The following GLMN variants were observed in gnomAD, a reference collection of about 807,000 sequenced individuals.
GLMN encodes glomulin, FKBP associated protein.
A neutral mutation model predicts 87.8 loss-of-function variants in GLMN; 75 were observed. That is an observed-to-expected ratio of 0.85 (90% CI 0.71 to 1.04). The LOEUF (loss-of-function observed/expected upper bound fraction) is 1.04, where lower values mean the gene tolerates loss of function less well. Among genes scored for constraint, GLMN ranks in the 50% least tolerant of loss-of-function variants. The pLI, the probability that GLMN is intolerant of heterozygous loss-of-function variation, is 0.00. For synonymous variants in GLMN, 206 were observed against 221.6 expected (o/e 0.93, Z 0.63); for missense variants, 588 against 658.8 (o/e 0.89, Z 1.18).
chr1:92,257,495 T>C (rs1423966970), intron 16 of GLMN, among the ~76,000 whole-genome samples: 1 of 152,128 alleles, frequency 6.6e-6, no homozygotes, highest in Admixed American at 6.5e-5. Context: ...GACTTCAAAC[T>C]ATACTACAGG....
At chr1:92,256,447 C>T (rs554053423) in intron 16 of GLMN, among the ~76,000 whole-genome samples, 1 of 151,708 alleles carries the variant, frequency 6.6e-6, no homozygotes, top group South Asian at 2.1e-4. Context: ...AGAGACACAA[C>T]AAAAAAAAGA....
intron 8 of GLMN, 135 bp downstream of exon 8, chr1:92,271,328 ATT>A: frequency 1.4e-6 from 1 of 720,210 alleles, no homozygotes; most frequent in Non-Finnish European, 2.4e-6. Context: ...AGCTGGGATC[ATT>A]CTTATTAAAA....
At chr1:92,304,139 T>G in the GLMN span, 2 of 1,332,512 alleles carry the variant, frequency 1.5e-6, no homozygotes, top group Non-Finnish European at 2.1e-6. Flanking sequence ...AATACTTTGT[T>G]GTAAGAATAA....
rs192046532 is a variant in GLMN at position 92,288,724 on chromosome 1, C to T, written c.632+190G>A. Among the ~76,000 whole-genome samples the T allele has an allele frequency of 8.3e-4, 127 of 152,238 alleles. 1 individual carries two copies. Among genetic ancestry groups the T allele is most frequent in the African/African-American group, 2.9e-3 (121 of 41,554 alleles). On this transcript the variant is annotated intron_variant, in intron 6 of 18. Coordinates refer to ENST00000370360, the MANE Select transcript of GLMN (RefSeq NM_053274.3). ...GATTACATGTGTGAGCCACTACACC[C>T]GGCCTATAATTTTTTAAAATATAAA...
chr1:92,278,528 C>G (rs1315468821), intron 7 of GLMN, among the ~76,000 whole-genome samples: 1 of 152,244 alleles, frequency 6.6e-6, no homozygotes, highest in Non-Finnish European at 1.5e-5. Flanking sequence ...TTCCATCTCT[C>G]CTAAATTAAA....
chr1:92,263,400 T>C (rs950354758), intron 15 of GLMN, among the ~76,000 whole-genome samples: 1 of 152,200 alleles, frequency 6.6e-6, no homozygotes, highest in Non-Finnish European at 1.5e-5. Context: ...ATAAAAGCTA[T>C]CAAATCATAG....
At chr1:92,253,721 T>C (rs1653841900) in intron 16 of GLMN, among the ~76,000 whole-genome samples, 1 of 152,094 alleles carries the variant, frequency 6.6e-6, no homozygotes, top group Non-Finnish European at 1.5e-5. Flanking sequence ...AGCAATAGCA[T>C]TAACGTCAAC....
chr1:92,282,291 A>C (rs931995750), intron 7 of GLMN, among the ~76,000 whole-genome samples: 4 of 152,248 alleles, frequency 2.6e-5, no homozygotes, highest in Non-Finnish European at 4.4e-5. Flanking sequence ...ACCACAGTGC[A>C]ATCAAATTAG....
chr1:92,324,921 G>A, the GLMN span, among the ~76,000 whole-genome samples: 2 of 152,168 alleles, frequency 1.3e-5, no homozygotes, highest in Admixed American at 6.5e-5. Flanking sequence ...CATCTGTTGT[G>A]TCATTTACTA....
chr1:92,331,913 A>T, the GLMN span, among the ~76,000 whole-genome samples: 1 of 152,112 alleles, frequency 6.6e-6, no homozygotes, highest in Non-Finnish European at 1.5e-5. Context: ...ATTTTAGATG[A>T]GCAGTTATTT....
chr1:92,288,686 CCCAAAGTGATGGGATT>C (rs1416663522), intron 6 of GLMN, among the ~76,000 whole-genome samples: 2 of 152,132 alleles, frequency 1.3e-5, no homozygotes, highest in Admixed American at 6.5e-5. Flanking sequence ...ACTTCAGTCT[CCCAAAGTGATGGGATT>C]ACATGTGTGA....
rs1180860199 is a variant in GLMN, at chr1:92,291,427, T to G, written c.276A>C (p.Leu92Phe). 6.3e-7 allele frequency: 1 copy of G among 1,577,962 alleles called. No homozygotes were observed. The highest frequency in any genetic ancestry group is 1.7e-5 in the Admixed American group (1 of 59,930). Reference sequence around the variant, plus strand: ...TGTTTTGTTAACTTACCTTTACCAATAAATCAAAGATCAAAAAATAAACTT... The same window carrying G: ...TGTTTTGTTAACTTACCTTTACCAAGAAATCAAAGATCAAAAAATAAACTT... Reference protein sequence around the residue: ...KRKVYFLIFDLLVKLCNPKEL... With the variant: ...KRKVYFLIFDFLVKLCNPKEL... The change falls in exon 4 of 19, where the codon TTA becomes TTC. Residue 92 changes from leucine (L) to phenylalanine (F), a missense_variant. By Grantham distance (22) the Leu-to-Phe change is conservative (BLOSUM62 0). Coordinates refer to ENST00000370360, the MANE Select transcript of GLMN (RefSeq NM_053274.3).
the GLMN span, among the ~76,000 whole-genome samples, chr1:92,363,447 C>T: frequency 1.3e-5 from 2 of 152,164 alleles, no homozygotes; most frequent in Non-Finnish European, 2.9e-5. Flanking sequence ...AACAGCGTGG[C>T]TGCAGATGCA....
chr1:92,328,792 G>A, the GLMN span, among the ~76,000 whole-genome samples: 1 of 152,268 alleles, frequency 6.6e-6, no homozygotes, highest in East Asian at 1.9e-4. Context: ...AGGAAGATCT[G>A]GGACTCAAGG....
At chr1:92,250,756 G>A (rs541134083) in intron 16 of GLMN, among the ~76,000 whole-genome samples, 4 of 152,106 alleles carry the variant, frequency 2.6e-5, no homozygotes, top group Non-Finnish European at 5.9e-5. Context: ...GTGCTTGCCT[G>A]TTCATGAGGT....
intron 2 of GLMN, 149 bp from the exon 3 acceptor site, chr1:92,297,678 AT>A (rs1448524882): frequency 4.7e-5 from 34 of 716,242 alleles, no homozygotes; most frequent in Non-Finnish European, 5.9e-5. Flanking sequence ...ACGTATCAAA[AT>A]TAGGATTACC....
intron 13 of GLMN, 120 bp from the exon 14 acceptor site, chr1:92,264,758 A>G (rs986544738): frequency 2.9e-6 from 2 of 694,728 alleles, no homozygotes; most frequent in Non-Finnish European, 2.6e-6. Flanking sequence ...AAAACCCCAC[A>G]GTAATGGTAA....
chr1:92,286,620 A>C, intron 6 of GLMN, 28 bp from the exon 7 acceptor site: 1 of 1,026,626 alleles, frequency 9.7e-7, no homozygotes, highest in Non-Finnish European at 1.5e-6. Flanking sequence ...GGTAACTATG[A>C]AATCAACACT....
the GLMN span, among the ~76,000 whole-genome samples, chr1:92,318,137 C>A: frequency 2.6e-5 from 4 of 152,186 alleles, no homozygotes; most frequent in African/African-American, 4.8e-5. Flanking sequence ...TCCTCTTAAA[C>A]AATTGTAGAT....
Sources: allele counts gnomAD v4.1 joint callset (sites outside exome capture counted in the v4.1 genomes callset), GRCh38; gene constraint gnomAD v4.1.1; transcripts MANE v1.5; gene names NCBI Gene and HGNC (gene_info 2026-07-23, HGNC 2026-07-21).